Variants in RTKN2 observed in about 807,000 individuals in gnomAD.
RTKN2 encodes the protein rhotekin-2.
RTKN2 carries 69 observed loss-of-function variants against 71.5 expected under a neutral mutation model. The ratio of observed to expected loss-of-function variants is 0.96; its 90% CI spans 0.79 to 1.18. The LOEUF is 1.18. Ranked by LOEUF, RTKN2 falls within the 50% of genes most tolerant of loss-of-function variation. The probability of loss-of-function intolerance (pLI) is 0.00; values close to 1 mark genes in which losing one functional copy is unlikely to be tolerated. For missense variants in RTKN2, 724 were observed against 719.7 expected, an observed-to-expected ratio of 1.01 and a Z score of -0.07; for synonymous variants, 236 against 236.5, an observed-to-expected ratio of 1.00 and a Z score of 0.02.
chr10:62,227,396 CAAG>C (rs919179555), intron 6 of RTKN2, among the ~76,000 whole-genome samples: 105 of 152,078 alleles, frequency 6.9e-4, no homozygotes, highest in African/African-American at 2.4e-3. Flanking sequence ...AAAGGAGCCA[CAAG>C]AAGAACAGAA....
chr10:62,236,701 A>G (rs1362970106), intron 5 of RTKN2, among the ~76,000 whole-genome samples: 1 of 152,040 alleles, frequency 6.6e-6, no homozygotes. Flanking sequence ...ATTATTCACA[A>G]TCGCCAAGGT....
intron 7 of RTKN2, among the ~76,000 whole-genome samples, chr10:62,218,960 T>C (rs898200013): frequency 2.0e-5 from 3 of 152,100 alleles, no homozygotes; most frequent in Non-Finnish European, 1.5e-5. Flanking sequence ...CACTTCAGCC[T>C]GGGCAACAAA....
chr10:62,244,473 C>T (rs936570628), intron 3 of RTKN2, among the ~76,000 whole-genome samples: 2 of 152,082 alleles, frequency 1.3e-5, no homozygotes, highest in Admixed American at 6.5e-5. Context: ...TGAATTGCTA[C>T]AATCAATAAA....
In RTKN2 at chr10:62,232,043, T is replaced by A. The variant is rs113426463; in HGVS notation, c.686+4023A>T. Among the ~76,000 whole-genome samples, 577 of 152,274 alleles carry A rather than the reference T, an allele frequency of 3.8e-3. 2 individuals are homozygous for A. The highest frequency in any genetic ancestry group is 0.012 in the African/African-American group (494 of 41,550). ...TATTACAAGGACATGATTTGTGAAA[T>A]GTTGTAAAAGGTTTTATTGTATCTT... is the stretch of plus-strand genomic sequence containing the variant. On this transcript the variant is annotated intron_variant, in intron 6 of 11. Coordinates refer to ENST00000373789, the MANE Select transcript of RTKN2 (RefSeq NM_145307.4).
At position 62,239,733 on chromosome 10, in the gene RTKN2, T is replaced by C. The variant is rs1842333573; in HGVS notation, c.403A>G (p.Lys135Glu). The C allele has an allele frequency of 6.3e-7, 1 of 1,594,066 alleles. No individual in the cohort carries two copies. The highest frequency in any genetic ancestry group is 8.6e-7 in the Non-Finnish European group (1 of 1,168,506). The change falls in exon 5 of 12, where the codon AAA becomes GAA. Residue 135 changes from lysine to glutamate, a missense_variant. Lys to Glu is a moderately conservative substitution (Grantham distance 56). Transcript: ENST00000373789. ...SRRYAIFCLF[K>E]MGANVFDTDV... Reference sequence around the variant, plus strand: ...GTATCAAACACATTAGCTCCCATTTTGAATAAACAAAAAATGGCATAGCGT... The same window carrying C: ...GTATCAAACACATTAGCTCCCATTTCGAATAAACAAAAAATGGCATAGCGT...
At chr10:62,264,244 T>C (rs1842829576) in intron 1 of RTKN2, among the ~76,000 whole-genome samples, 1 of 152,192 alleles carries the variant, frequency 6.6e-6, no homozygotes, top group Admixed American at 6.5e-5. Flanking sequence ...CAGTAGATGA[T>C]TTAACTTGAC....
Position 62,268,624 on chromosome 10 carries a change from T to C in RTKN2, c.-14A>G. On this transcript the variant is annotated 5_prime_UTR_variant, in exon 1 of 12. Transcript: ENST00000373789. ...CGGCCCCTCCATCTCCAACGCGAAC[T>C]GTCCGGGCCGTCGCCACTCCTTCAA... 1.3e-6 allele frequency: 2 copies of C among 1,554,216 alleles called. No homozygotes were observed. Among genetic ancestry groups the C allele is most frequent in the Non-Finnish European group, 1.7e-6 (2 of 1,148,874 alleles).
chr10:62,239,829 T>G, intron 4 of RTKN2, 64 bp from the exon 5 acceptor site: 2 of 805,786 alleles, frequency 2.5e-6, no homozygotes, highest in African/African-American at 1.8e-5. Flanking sequence ...TAAAATCTAC[T>G]TGAAAATAAA....
At chr10:62,245,615 T>A (rs1480136987) in intron 3 of RTKN2, among the ~76,000 whole-genome samples, 2 of 152,124 alleles carry the variant, frequency 1.3e-5, no homozygotes, top group African/African-American at 2.4e-5. Context: ...CAAAACCTCA[T>A]GGAACTTCTG....
intron 9 of RTKN2, among the ~76,000 whole-genome samples, chr10:62,207,747 GAATA>G (rs1257742959): frequency 1.3e-5 from 2 of 151,830 alleles, no homozygotes; most frequent in Admixed American, 1.3e-4. Context: ...AATATTTAAA[GAATA>G]AACAAATGAA....
At chr10:62,236,954 T>C (rs1842271723) in intron 5 of RTKN2, among the ~76,000 whole-genome samples, 1 of 151,664 alleles carries the variant, frequency 6.6e-6, no homozygotes, top group Non-Finnish European at 1.5e-5. Flanking sequence ...AAACAGTGGT[T>C]ACCATGGGCA....
intron 2 of RTKN2, among the ~76,000 whole-genome samples, chr10:62,261,703 GT>G (rs1473017571): frequency 6.6e-6 from 1 of 152,004 alleles, no homozygotes; most frequent in Non-Finnish European, 1.5e-5. Flanking sequence ...AGCTAATAAG[GT>G]TGGCTACTTT....
intron 6 of RTKN2, among the ~76,000 whole-genome samples, chr10:62,231,129 TA>T (rs1447075869): frequency 6.6e-6 from 1 of 152,210 alleles, no homozygotes; most frequent in Admixed American, 6.5e-5. Context: ...ATTTAAAATG[TA>T]GTATTATAAA....
chr10:62,245,868 T>C, intron 3 of RTKN2, 131 bp downstream of exon 3: 1 of 620,928 alleles, frequency 1.6e-6, no homozygotes, highest in East Asian at 2.7e-5. Flanking sequence ...AACAGTGTTT[T>C]AGAACAAATA....
At chr10:62,245,272 G>A (rs745418742) in intron 3 of RTKN2, among the ~76,000 whole-genome samples, 1 of 151,884 alleles carries the variant, frequency 6.6e-6, no homozygotes, top group Non-Finnish European at 1.5e-5. Flanking sequence ...TAGTTGGAAC[G>A]GTAACAGAGA....
chr10:62,188,543 C>T (rs1029863833), downstream of RTKN2, among the ~76,000 whole-genome samples: 5 of 152,094 alleles, frequency 3.3e-5, no homozygotes, highest in African/African-American at 1.2e-4. Flanking sequence ...TATTCTAAAT[C>T]ACCATCCTGC....
intron 10 of RTKN2, among the ~76,000 whole-genome samples, chr10:62,201,431 A>G (rs972469548): frequency 2.0e-5 from 3 of 152,146 alleles, no homozygotes; most frequent in Non-Finnish European, 2.9e-5. Context: ...TGATAAAGGG[A>G]ATAAATTCTT....
At chr10:62,221,098 T>A (rs1350878250) in intron 7 of RTKN2, among the ~76,000 whole-genome samples, 8 of 149,612 alleles carry the variant, frequency 5.3e-5, no homozygotes, top group Admixed American at 3.3e-4. Context: ...CAGAAACATG[T>A]AGGTAAATCT....
At chr10:62,241,523 T>C (rs1043037489) in intron 3 of RTKN2, among the ~76,000 whole-genome samples, 4 of 152,196 alleles carry the variant, frequency 2.6e-5, no homozygotes, top group Non-Finnish European at 4.4e-5. Context: ...GCTATACTTT[T>C]ATGAATTTGA....
Sources: allele counts gnomAD v4.1 joint callset (sites outside exome capture counted in the v4.1 genomes callset), GRCh38; gene constraint gnomAD v4.1.1; transcripts MANE v1.5; gene names NCBI Gene and HGNC (gene_info 2026-07-23, HGNC 2026-07-21).